ZDHHC14: variants seen among roughly 807,000 people sequenced by gnomAD.
The protein encoded by ZDHHC14 is palmitoyltransferase ZDHHC14.
A neutral mutation model predicts 47.7 loss-of-function variants in ZDHHC14; 16 were observed. That is an observed-to-expected ratio of 0.34 (90% CI 0.23 to 0.51). ZDHHC14 has a LOEUF of 0.51. Among genes scored for constraint, ZDHHC14 ranks in the 20% least tolerant of loss-of-function variants. The pLI is 0.97. For missense variants in ZDHHC14, 515 were observed against 662.5 expected (o/e 0.78, Z 2.44); for synonymous variants, 293 against 278.9 (o/e 1.05, Z -0.50).
At chr6:157,545,775 C>T (rs1391209021) in intron 2 of ZDHHC14, among the ~76,000 whole-genome samples, 2 of 152,098 alleles carry the variant, frequency 1.3e-5, no homozygotes, top group African/African-American at 4.8e-5. Flanking sequence ...TTTGGAGGGC[C>T]TCAGACATGG....
At chr6:157,464,773 T>G (rs956283851) in intron 1 of ZDHHC14, among the ~76,000 whole-genome samples, 2 of 152,220 alleles carry the variant, frequency 1.3e-5, no homozygotes, top group Admixed American at 1.3e-4. Context: ...AGCTGGGCGT[T>G]GTCTGGTTAG....
chr6:157,429,529 A>G (rs1778293827), intron 1 of ZDHHC14, among the ~76,000 whole-genome samples: 1 of 139,424 alleles, frequency 7.2e-6, no homozygotes, highest in South Asian at 2.6e-4. Flanking sequence ...TGTATGTAGC[A>G]TATATTAGAG....
rs1187323622 is a variant in ZDHHC14 at position 157,515,457 on chromosome 6, C to CTT, written c.246-27108_246-27107dup. On this transcript the variant is annotated intron_variant, in intron 1 of 8. Transcript: ENST00000359775. ...TTCATTTCTCTTTCTTTTTCTTTTT[C>CTT]TTTTTTTTTTTTTTTTTTTTTGGAG... Among the ~76,000 whole-genome samples, 97 of 129,456 alleles carry CTT rather than the reference C, an allele frequency of 7.5e-4. 1 individual carries two copies. Among genetic ancestry groups the CTT allele is most frequent in the South Asian group, 1.0e-3 (4 of 3,846 alleles). 84.9% of individuals were successfully genotyped at this position (129,456 alleles called of 152,430 possible). A position where few individuals can be genotyped will look rare whatever the true frequency, so the allele number is the denominator to read the frequency against.
Position 157,677,509 on chromosome 6 carries a change from A to T in ZDHHC14, c.*4387A>T, listed in dbSNP as rs937723991. ...GCCATTAAAAGTAGTTGGGAGATTGAAGATTAGATGGTTTCTGGAGCAACC... is the reference window on the plus strand; with the variant it reads ...GCCATTAAAAGTAGTTGGGAGATTGTAGATTAGATGGTTTCTGGAGCAACC... On this transcript the variant is annotated 3_prime_UTR_variant, in exon 9 of 9. Transcript: ENST00000359775. 6.6e-6 allele frequency: 1 copy of T among 152,180 alleles called. No homozygotes were observed. The highest frequency in any genetic ancestry group is 1.5e-5 in the Non-Finnish European group (1 of 68,032). 9.4% of individuals were successfully genotyped at this position (152,180 alleles called of 1,614,324 possible). A position where few individuals can be genotyped will look rare whatever the true frequency, so the allele number is the denominator to read the frequency against.
At chr6:157,636,852 G>A (rs1009965323) in intron 5 of ZDHHC14, among the ~76,000 whole-genome samples, 7 of 152,190 alleles carry the variant, frequency 4.6e-5, no homozygotes, top group East Asian at 1.9e-4. Context: ...GTGCTTTAAC[G>A]TGCAAAGTAC....
chr6:157,619,281 C>G (rs760116502), intron 3 of ZDHHC14, among the ~76,000 whole-genome samples: 165 of 151,830 alleles, frequency 1.1e-3, no homozygotes, highest in Admixed American at 4.6e-3. Context: ...ATTCCAGCTA[C>G]TCGGGAGCCT....
At chr6:157,487,956 G>A (rs956552110) in intron 1 of ZDHHC14, among the ~76,000 whole-genome samples, 2 of 152,162 alleles carry the variant, frequency 1.3e-5, no homozygotes, top group African/African-American at 4.8e-5. Flanking sequence ...GCCCTGGACT[G>A]GGAGCCATGT....
At chr6:157,571,776 A>ATTTTTTTTTTTTTTT (rs548623336) in intron 2 of ZDHHC14, among the ~76,000 whole-genome samples, 1 of 122,518 alleles carries the variant, frequency 8.2e-6, no homozygotes. Context: ...AGGAATCTGT[A>ATTTTTTTTTTTTTTT]TTTTTTTTTT....
intron 3 of ZDHHC14, among the ~76,000 whole-genome samples, chr6:157,626,348 G>A (rs1432755200): frequency 1.3e-5 from 2 of 152,106 alleles, no homozygotes; most frequent in Non-Finnish European, 2.9e-5. Flanking sequence ...GAAGAAAAGT[G>A]GTTTCTCAAA....
chr6:157,416,985 T>TTG (rs1554256467), intron 1 of ZDHHC14, among the ~76,000 whole-genome samples: 2 of 133,630 alleles, frequency 1.5e-5, no homozygotes, highest in African/African-American at 2.8e-5. Flanking sequence ...TTTTTTTTTT[T>TTG]TTTTTTTTTT....
intron 1 of ZDHHC14, among the ~76,000 whole-genome samples, chr6:157,444,295 A>G (rs1158900596): frequency 6.6e-6 from 1 of 152,174 alleles, no homozygotes; most frequent in African/African-American, 2.4e-5. Context: ...TTGTGATTGG[A>G]TGGGCTGTTT....
intron 7 of ZDHHC14, 114 bp downstream of exon 7, chr6:157,647,482 T>G: frequency 2.9e-6 from 2 of 682,644 alleles, no homozygotes; most frequent in Non-Finnish European, 5.0e-6. Context: ...ACGTGACCAC[T>G]TTGTGCCGCG....
At chr6:157,612,216 C>T (rs1784777223) in intron 3 of ZDHHC14, among the ~76,000 whole-genome samples, 1 of 152,170 alleles carries the variant, frequency 6.6e-6, no homozygotes, top group Non-Finnish European at 1.5e-5. Context: ...TGCACTGCCT[C>T]GGCCAGCTGC....
At chr6:157,484,381 CAT>C (rs1026326730) in intron 1 of ZDHHC14, among the ~76,000 whole-genome samples, 8 of 143,532 alleles carry the variant, frequency 5.6e-5, no homozygotes, top group East Asian at 4.0e-4. Flanking sequence ...TATATACACA[CAT>C]ATATACGTAT....
chr6:157,623,769 C>T (rs934339651), intron 3 of ZDHHC14, among the ~76,000 whole-genome samples: 3 of 151,954 alleles, frequency 2.0e-5, no homozygotes, highest in Non-Finnish European at 4.4e-5. Context: ...AGGATATTCT[C>T]GATCTCCTGA....
In ZDHHC14 at chr6:157,669,917, C is replaced by T. The variant is rs373852228; in HGVS notation, c.1069-2807C>T. Among the ~76,000 whole-genome samples, 8 of 152,342 alleles carry T rather than the reference C, an allele frequency of 5.3e-5. No homozygotes were observed. In the East Asian group the frequency reaches 5.8e-4, roughly 11 times the overall value. On this transcript the variant is annotated intron_variant, in intron 8 of 8. Coordinates refer to ENST00000359775, the MANE Select transcript of ZDHHC14 (RefSeq NM_024630.3). ...TGCCTCTGTCAGTAAGAATACGAAA[C>T]GGTGATGTTCATAAAACATTCTTTG...
intron 8 of ZDHHC14, among the ~76,000 whole-genome samples, chr6:157,669,779 G>C (rs753692139): frequency 1.3e-5 from 2 of 152,242 alleles, no homozygotes; most frequent in Non-Finnish European, 2.9e-5. Context: ...AAGGGCGCTG[G>C]CTTGCCAGCT....
At chr6:157,647,415 G>C (rs201305824) in intron 7 of ZDHHC14, 47 bp downstream of exon 7, 29 of 1,500,780 alleles carry the variant, frequency 1.9e-5, no homozygotes, top group Non-Finnish European at 2.6e-5. Context: ...TTGGAAAACC[G>C]AATGCCTCGG....
chr6:157,544,523 C>G (rs978149262), intron 2 of ZDHHC14, among the ~76,000 whole-genome samples: 1 of 152,102 alleles, frequency 6.6e-6, no homozygotes, highest in African/African-American at 2.4e-5. Flanking sequence ...GTGGTGCGAG[C>G]CTGTAGTCCT....
Sources: gnomAD v4.1 joint callset for allele counts (sites outside exome capture counted in the v4.1 genomes callset) on GRCh38, gnomAD v4.1.1 for gene constraint, MANE v1.5 for transcripts, NCBI Gene and HGNC (gene_info 2026-07-23, HGNC 2026-07-21) for gene names.